PIGF: variants seen among roughly 807,000 people sequenced by gnomAD.
PIGF encodes phosphatidylinositol glycan anchor biosynthesis class F.
Under a neutral mutation model 26.0 loss-of-function variants are expected in PIGF, and 23 were observed. That is an observed-to-expected ratio of 0.88 (90% confidence interval 0.64 to 1.25). The LOEUF (loss-of-function observed/expected upper bound fraction) is 1.25. Among genes scored for constraint, PIGF ranks in the 50% most tolerant of loss-of-function variants. The pLI, the probability that PIGF is intolerant of heterozygous loss-of-function variation, is 0.00. For synonymous variants in PIGF, 93 were observed against 92.6 expected (o/e 1.00, Z -0.03); for missense variants, 278 against 249.9 (o/e 1.11, Z -0.76).
chr2:46,588,418 T>C lies in PIGF; in HGVS notation c.546+4057A>G. 2.5e-6 allele frequency: 1 copy of C among 396,694 alleles called. No individual in the cohort carries two copies. Among genetic ancestry groups the C allele is most frequent in the South Asian group, 3.2e-5 (1 of 31,416 alleles). The allele number at this position is 396,694 out of a possible 1,614,324, so 24.6% of individuals were successfully genotyped here. The stretch of plus-strand genomic sequence containing the variant: ...AAAATATAGTCATTAAACTATGTCT[T>C]TTCTAGGTCACAAATGCCTGTAACA... On this transcript the variant is annotated intron_variant, in intron 5 of 5. Coordinates refer to ENST00000281382, the MANE Select transcript of PIGF (RefSeq NM_002643.4). This position sits in a 1 kb window ranked among gnomAD's most constrained non-coding sequence, Gnocchi z 4.1.
Position 46,603,501 on chromosome 2 carries a change from A to G in PIGF, c.437+8727T>C, listed in dbSNP as rs536192337. On this transcript the variant is annotated intron_variant, in intron 4 of 5. Transcript: ENST00000281382. ...AACCAAAACAGCAAGGTACTGGCATAAAAACAGGCACATAGACCAATAGAA... is the reference window on the plus strand; with the variant it reads ...AACCAAAACAGCAAGGTACTGGCATGAAAACAGGCACATAGACCAATAGAA... 1.8e-4 allele frequency among the ~76,000 whole-genome samples: 20 copies of G among 108,154 alleles called. No individual in the cohort carries two copies. In the East Asian group the frequency reaches 4.2e-3, roughly 23 times the overall value. 71.0% of individuals were successfully genotyped at this position (108,154 alleles called of 152,430 possible). A position where few individuals can be genotyped will look rare whatever the true frequency, so the allele number is the denominator to read the frequency against.
At chr2:46,591,514 CT>C in intron 5 of PIGF, 1 of 878,628 alleles carries the variant, frequency 1.1e-6, no homozygotes, top group Non-Finnish European at 1.4e-6. Flanking sequence ...TACCATAATT[CT>C]TTTTGGGAGT....
intron 1 of PIGF, 100 bp from the exon 2 acceptor site, chr2:46,615,285 A>G (rs1670577306): frequency 3.3e-6 from 2 of 612,166 alleles, no homozygotes; most frequent in Non-Finnish European, 5.9e-6. Flanking sequence ...TCAATTTTCT[A>G]TGAGCAATGT....
intron 4 of PIGF, among the ~76,000 whole-genome samples, chr2:46,597,563 C>A (rs1484800954): frequency 6.6e-6 from 1 of 152,128 alleles, no homozygotes; most frequent in East Asian, 1.9e-4. Flanking sequence ...CAGGCGCCTG[C>A]CACCATGCCC....
intron 1 of PIGF, chr2:46,616,320 G>C (rs1177160705): frequency 6.6e-6 from 1 of 152,318 alleles, no homozygotes; most frequent in African/African-American, 2.4e-5. Context: ...TCTATCTTAA[G>C]CTGATTGAGG....
chr2:46,613,157 G>A (rs946781746), intron 3 of PIGF, among the ~76,000 whole-genome samples: 3 of 151,920 alleles, frequency 2.0e-5, no homozygotes, highest in African/African-American at 7.2e-5. Flanking sequence ...CTAAACTGAA[G>A]CTTCTCAAAC....
Position 46,615,093 on chromosome 2 carries a change from G to A in PIGF, c.72C>T (p.Val24=). The change falls in exon 2 of 6, where the codon GTC becomes GTT. Residue 24 remains valine (V), a synonymous_variant. Transcript: ENST00000281382. ...TCTCCAAGAAGAGTGATGGAATGAA[G>A]ACACTTAGGATAATTGAAAATATGC... is the stretch of plus-strand genomic sequence containing the variant. ...LLCIFSIILS[V]FIPSLFLENF... is the part of the protein sequence containing the mutation. The A allele has an allele frequency of 3.2e-6, 5 of 1,585,440 alleles. No individual in the cohort carries two copies. The highest frequency in any genetic ancestry group is 1.3e-5 in the African/African-American group (1 of 74,492).
intron 5 of PIGF, among the ~76,000 whole-genome samples, chr2:46,586,443 T>C (rs1669574396): frequency 6.6e-6 from 1 of 152,210 alleles, no homozygotes; most frequent in Admixed American, 6.5e-5. Flanking sequence ...TGTTCCAATA[T>C]AATAAATATT....
At chr2:46,591,820 A>G (rs1044592489) in intron 5 of PIGF, 1 of 1,297,428 alleles carries the variant, frequency 7.7e-7, no homozygotes, top group Non-Finnish European at 1.0e-6. Flanking sequence ...TGCTTTACCT[A>G]GCATATCAGC....
chr2:46,602,895 C>A (rs1169770348), intron 4 of PIGF, among the ~76,000 whole-genome samples: 2 of 151,728 alleles, frequency 1.3e-5, no homozygotes, highest in African/African-American at 4.8e-5. Flanking sequence ...AAATAAAGGG[C>A]ATCCAAATTG....
intron 4 of PIGF, among the ~76,000 whole-genome samples, chr2:46,610,261 T>C (rs528148118): frequency 3.9e-5 from 6 of 152,286 alleles, no homozygotes; most frequent in East Asian, 1.9e-4. Flanking sequence ...GCAGAACTAA[T>C]TGTAAAATCA....
intron 4 of PIGF, among the ~76,000 whole-genome samples, chr2:46,609,780 A>T (rs1414405826): frequency 1.3e-5 from 2 of 152,130 alleles, no homozygotes; most frequent in African/African-American, 4.8e-5. Context: ...ATTTATTAAG[A>T]TCGTCATCTT....
intron 5 of PIGF, chr2:46,587,975 TAA>T (rs1041683404): frequency 4.2e-5 from 40 of 956,480 alleles, no homozygotes; most frequent in Non-Finnish European, 4.3e-6. Context: ...ATGTGAATCT[TAA>T]GTCTCCCTCT....
chr2:46,612,230 A>G lies in PIGF; in HGVS notation c.435T>C (p.Asn145=), dbSNP rs1399332619. 1.9e-6 allele frequency: 2 copies of G among 1,044,510 alleles called. No homozygotes were observed. The highest frequency in any genetic ancestry group is 2.6e-6 in the Non-Finnish European group (2 of 767,334). The allele number at this position is 1,044,510 out of a possible 1,614,324, so 64.7% of individuals were successfully genotyped here. The change falls in exon 4 of 6, where the codon AAT becomes AAC. Residue 145 remains asparagine, a splice_region_variant and synonymous_variant. Coordinates refer to ENST00000281382, the MANE Select transcript of PIGF (RefSeq NM_002643.4). The part of the protein sequence containing the change: ...LKAWLRVFSR[N]GVTSIWENSL... ...TATAATATAAAATTAAAACTTACCC[A>G]TTTCTACTGAACACTCTTAGCCATG...
In PIGF at chr2:46,580,965, C is replaced by T. The variant is rs1669343486; in HGVS notation, c.*513G>A. 2 of 1,566,982 alleles carry T rather than the reference C, an allele frequency of 1.3e-6. No homozygotes were observed. The highest frequency in any genetic ancestry group is 1.7e-6 in the Non-Finnish European group (2 of 1,163,222). ...TGCTATGTGGAATGTTCAGCTTTAACCCAGAAGGGATTGAAGACTGTTTTT... is the reference window on the plus strand; with the variant it reads ...TGCTATGTGGAATGTTCAGCTTTAATCCAGAAGGGATTGAAGACTGTTTTT... On this transcript the variant is annotated 3_prime_UTR_variant, in exon 6 of 6. Transcript: ENST00000281382.
chr2:46,582,199 C>G (rs1669412934), intron 5 of PIGF: 1 of 151,296 alleles, frequency 6.6e-6, no homozygotes, highest in Admixed American at 6.6e-5. Flanking sequence ...TTTTCTCCAG[C>G]CATATTACAT....
intron 4 of PIGF, among the ~76,000 whole-genome samples, chr2:46,594,691 A>G (rs944516966): frequency 1.3e-5 from 2 of 151,756 alleles, no homozygotes; most frequent in East Asian, 3.9e-4. Context: ...GTGTGCCATC[A>G]CACCAGGCTA....
intron 4 of PIGF, among the ~76,000 whole-genome samples, chr2:46,595,230 T>C (rs976981402): frequency 2.0e-5 from 3 of 152,108 alleles, no homozygotes; most frequent in Non-Finnish European, 4.4e-5. Flanking sequence ...ATTTTCATCA[T>C]CCCCAGACTC....
chr2:46,582,423 G>C (rs1359101229), intron 5 of PIGF: 1 of 152,192 alleles, frequency 6.6e-6, no homozygotes, highest in Non-Finnish European at 1.5e-5. Flanking sequence ...TTAATTACTA[G>C]TTCTATTACC....
Sources: gnomAD v4.1 joint callset for allele counts (sites outside exome capture counted in the v4.1 genomes callset) on GRCh38, gnomAD v4.1.1 for gene constraint, Gnocchi (gnomAD v3.1) non-coding constraint, MANE v1.5 for transcripts, NCBI Gene and HGNC (gene_info 2026-07-23, HGNC 2026-07-21) for gene names.